Variants in SGCG observed in about 807,000 individuals in gnomAD.
SGCG encodes the protein sarcoglycan gamma.
Under a neutral mutation model 29.3 loss-of-function variants are expected in SGCG, and 26 were observed. The observed-to-expected ratio is 0.89, with a 90% CI of 0.65 to 1.23. The LOEUF (loss-of-function observed/expected upper bound fraction) is 1.23. SGCG is among the 50% of genes most tolerant of loss of function. SGCG has a pLI of 0.00. For missense variants in SGCG, 353 were observed against 356.0 expected, an observed-to-expected ratio of 0.99 and a Z score of 0.07; for synonymous variants, 145 against 129.7, an observed-to-expected ratio of 1.12 and a Z score of -0.80.
At chr13:23,189,072 G>A (rs1011666453) in intron 1 of SGCG, among the ~76,000 whole-genome samples, 4 of 152,210 alleles carry the variant, frequency 2.6e-5, no homozygotes, top group African/African-American at 9.7e-5. Flanking sequence ...GTGGAGAGAT[G>A]ACGGGCGGTC....
chr13:23,166,109 C>T, the SGCG span, among the ~76,000 whole-genome samples: 28 of 152,236 alleles, frequency 1.8e-4, 1 homozygote, highest in African/African-American at 6.7e-4. Context: ...ACTTCCTTGC[C>T]TTGTCCCTGG....
intron 7 of SGCG, among the ~76,000 whole-genome samples, chr13:23,322,765 T>TCCCCCCCCCCCCCCCCCCC (rs1189871837): frequency 4.7e-4 from 29 of 61,442 alleles, no homozygotes; most frequent in African/African-American, 8.6e-4. Flanking sequence ...CCCCCACCCA[T>TCCCCCCCCCCCCCCCCCCC]CCACCTCCCC....
chr13:23,310,442 T>C (rs950451696), intron 6 of SGCG, among the ~76,000 whole-genome samples: 5 of 152,188 alleles, frequency 3.3e-5, no homozygotes, highest in African/African-American at 1.2e-4. Flanking sequence ...TTTTGTCTGG[T>C]ATTACAATTG....
the SGCG span, among the ~76,000 whole-genome samples, chr13:23,174,310 G>A: frequency 5.2e-4 from 79 of 152,150 alleles, no homozygotes; most frequent in African/African-American, 1.7e-3. Context: ...AGGAGATTGT[G>A]TACAATGGTC....
chr13:23,289,820 T>C (rs1051254631), intron 5 of SGCG, among the ~76,000 whole-genome samples: 1 of 152,204 alleles, frequency 6.6e-6, no homozygotes, highest in Non-Finnish European at 1.5e-5. Context: ...TTTAGTTCAA[T>C]GGGGAGGCAT....
intron 2 of SGCG, among the ~76,000 whole-genome samples, chr13:23,221,566 T>G (rs767151037): frequency 1.3e-5 from 2 of 152,232 alleles, no homozygotes; most frequent in Non-Finnish European, 2.9e-5. Flanking sequence ...TAAGGCACAG[T>G]GCTAAGCGCT....
chr13:23,170,928 A>G, the SGCG span, among the ~76,000 whole-genome samples: 4 of 152,184 alleles, frequency 2.6e-5, no homozygotes, highest in African/African-American at 9.7e-5. Flanking sequence ...ATAGCAGAGG[A>G]AGCTGTTGAC....
chr13:23,292,330 G>A (rs9552913), intron 5 of SGCG, among the ~76,000 whole-genome samples: 10,341 of 152,118 alleles, frequency 0.068, 473 homozygotes, highest in South Asian at 0.11. Context: ...GGCTGGTCTC[G>A]AAATCCTGGC....
rs148913139 is a variant in SGCG at position 23,227,324 on chromosome 13, A to C, written c.196-7287A>C. On this transcript the variant is annotated intron_variant, in intron 2 of 7. Transcript: ENST00000218867. ...CACCTATTAAGAATGGGAAAAAAAAAAAAAACAAAAACCTGGCAGTACCAA... is the reference window on the plus strand; with the variant it reads ...CACCTATTAAGAATGGGAAAAAAAACAAAAACAAAAACCTGGCAGTACCAA... Among the ~76,000 whole-genome samples, 425 of 140,970 alleles carry C rather than the reference A, an allele frequency of 3.0e-3. 4 individuals carry two copies. Among genetic ancestry groups the C allele is most frequent in the Admixed American group, 5.5e-3 (78 of 14,140 alleles). 92.5% of individuals were successfully genotyped at this position (140,970 alleles called of 152,430 possible). A position where few individuals can be genotyped will look rare whatever the true frequency, so the allele number is the denominator to read the frequency against.
At chr13:23,166,088 G>A in the SGCG span, among the ~76,000 whole-genome samples, 29 of 152,022 alleles carry the variant, frequency 1.9e-4, no homozygotes, top group Non-Finnish European at 4.0e-4. Context: ...GAGAAGGAAC[G>A]GTGAGAGGGA....
the SGCG span, among the ~76,000 whole-genome samples, chr13:23,167,871 A>G: frequency 6.6e-6 from 1 of 151,978 alleles, no homozygotes; most frequent in African/African-American, 2.4e-5. Context: ...AGCTGGGATT[A>G]CAGGCGCGTG....
intron 4 of SGCG, among the ~76,000 whole-genome samples, chr13:23,251,071 A>G (rs1879946537): frequency 6.6e-6 from 1 of 152,210 alleles, no homozygotes; most frequent in Admixed American, 6.5e-5. Context: ...GCTGAGAGCC[A>G]CGAATACATT....
intron 3 of SGCG, among the ~76,000 whole-genome samples, chr13:23,236,291 C>T (rs1879308962): frequency 6.6e-6 from 1 of 152,124 alleles, no homozygotes; most frequent in Non-Finnish European, 1.5e-5. Context: ...TGATCTCCTG[C>T]CATATTTTGG....
At chr13:23,196,238 A>T (rs950303722) in intron 1 of SGCG, among the ~76,000 whole-genome samples, 1 of 152,164 alleles carries the variant, frequency 6.6e-6, no homozygotes, top group Non-Finnish European at 1.5e-5. Flanking sequence ...TTGCCCCAGT[A>T]CAGATAATGG....
At chr13:23,320,603 T>C in intron 6 of SGCG, 34 bp from the exon 7 acceptor site, 6 of 1,494,286 alleles carry the variant, frequency 4.0e-6, no homozygotes, top group Non-Finnish European at 5.4e-6. Flanking sequence ...AATACTTTTT[T>C]TTTTTTTTTT....
intron 2 of SGCG, 37 bp downstream of exon 2, chr13:23,203,926 T>A (rs1173365146): frequency 7.1e-7 from 1 of 1,406,590 alleles, no homozygotes; most frequent in Non-Finnish European, 1.0e-6. Context: ...ATGTTCTTGT[T>A]TTGTTCACTG....
intron 6 of SGCG, among the ~76,000 whole-genome samples, chr13:23,306,352 A>G (rs539806576): frequency 4.3e-4 from 65 of 152,320 alleles, no homozygotes; most frequent in Non-Finnish European, 7.9e-4. Flanking sequence ...TTTTAATATT[A>G]ATAGTGTATT....
At chr13:23,168,100 G>C in the SGCG span, among the ~76,000 whole-genome samples, 1 of 151,964 alleles carries the variant, frequency 6.6e-6, no homozygotes, top group Non-Finnish European at 1.5e-5. Context: ...GAGCTCCCTA[G>C]ATATTCTGGT....
At chr13:23,186,029 G>T (rs1454587146) in intron 1 of SGCG, among the ~76,000 whole-genome samples, 4 of 152,160 alleles carry the variant, frequency 2.6e-5, no homozygotes, top group Non-Finnish European at 4.4e-5. Context: ...AGGAACTAGA[G>T]CCTCCCCTTA....
Sources: gnomAD v4.1 joint callset for allele counts (sites outside exome capture counted in the v4.1 genomes callset) on GRCh38, gnomAD v4.1.1 for gene constraint, MANE v1.5 for transcripts, NCBI Gene and HGNC (gene_info 2026-07-23, HGNC 2026-07-21) for gene names.